Variants in FAM227B observed in about 807,000 individuals in gnomAD.
FAM227B encodes the protein protein FAM227B.
A neutral mutation model predicts 73.8 loss-of-function variants in FAM227B; 88 were observed. The ratio of observed to expected loss-of-function variants is 1.19; its 90% CI spans 1.00 to 1.42. The LOEUF is 1.42. Ranked by LOEUF, FAM227B falls within the 40% of genes most tolerant of loss-of-function variation. The pLI, the probability that FAM227B is intolerant of heterozygous loss-of-function variation, is 0.00. For missense variants in FAM227B, 632 were observed against 590.9 expected (o/e 1.07, Z -0.72); for synonymous variants, 210 against 190.5 (o/e 1.10, Z -0.84).
chr15:49,592,912 C>T lies in FAM227B; in HGVS notation c.106-2905G>A, dbSNP rs191396751. 7.2e-5 allele frequency among the ~76,000 whole-genome samples: 11 copies of T among 152,306 alleles called. 1 individual carries two copies. The highest frequency in any genetic ancestry group is 2.2e-4 in the African/African-American group (9 of 41,574). On this transcript the variant is annotated intron_variant, in intron 3 of 15. Transcript: ENST00000299338. ...TCAGCAATGGTGGACACCCCTCCCCCGACCAGGCTTCAGCCTCGCAGATCT... is the reference window on the plus strand; with the variant it reads ...TCAGCAATGGTGGACACCCCTCCCCTGACCAGGCTTCAGCCTCGCAGATCT...
At chr15:49,546,549 G>A (rs1256263995) in intron 9 of FAM227B, among the ~76,000 whole-genome samples, 1 of 152,148 alleles carries the variant, frequency 6.6e-6, no homozygotes, top group Non-Finnish European at 1.5e-5. Context: ...CTTCCACAAT[G>A]GTTGAACTAG....
At chr15:49,510,283 T>A (rs2058891355) in intron 10 of FAM227B, among the ~76,000 whole-genome samples, 1 of 152,158 alleles carries the variant, frequency 6.6e-6, no homozygotes, top group Non-Finnish European at 1.5e-5. Context: ...CTATGTAAAA[T>A]CTTGTTGACA....
intron 13 of FAM227B, among the ~76,000 whole-genome samples, chr15:49,354,712 G>A (rs1266962127): frequency 1.3e-5 from 2 of 152,194 alleles, no homozygotes; most frequent in East Asian, 1.9e-4. Flanking sequence ...AAACAGTCGG[G>A]AAGCTCGAAC....
At chr15:49,495,354 T>C (rs1435258612) in intron 11 of FAM227B, among the ~76,000 whole-genome samples, 4 of 152,234 alleles carry the variant, frequency 2.6e-5, no homozygotes, top group Non-Finnish European at 5.9e-5. Flanking sequence ...ATAATCTGAA[T>C]AGTTCCGTTA....
At chr15:49,378,814 C>G (rs1340003944) in intron 11 of FAM227B, among the ~76,000 whole-genome samples, 1 of 152,112 alleles carries the variant, frequency 6.6e-6, no homozygotes, top group East Asian at 1.9e-4. Flanking sequence ...TCTGATTGCT[C>G]TAGCTAGGAC....
At chr15:49,359,031 C>A (rs1432235039) in intron 13 of FAM227B, among the ~76,000 whole-genome samples, 1 of 151,938 alleles carries the variant, frequency 6.6e-6, no homozygotes, top group Non-Finnish European at 1.5e-5. Flanking sequence ...AACTGGCTAG[C>A]CATATGTATA....
intron 13 of FAM227B, among the ~76,000 whole-genome samples, chr15:49,353,021 T>C (rs2042482592): frequency 6.6e-6 from 1 of 152,204 alleles, no homozygotes; most frequent in African/African-American, 2.4e-5. Flanking sequence ...AAAAACAGTG[T>C]CTAAGCATTC....
chr15:49,617,854 C>T (rs2078394925), intron 1 of FAM227B, among the ~76,000 whole-genome samples: 1 of 151,034 alleles, frequency 6.6e-6, no homozygotes, highest in African/African-American at 2.4e-5. Flanking sequence ...ACTTGTGTAA[C>T]AAAAAAAACA....
chr15:49,592,343 A>T (rs1308350534), intron 3 of FAM227B, among the ~76,000 whole-genome samples: 2 of 152,010 alleles, frequency 1.3e-5, no homozygotes, highest in Non-Finnish European at 2.9e-5. Context: ...CCTACAGAAG[A>T]AGTTTTGGTG....
At chr15:49,446,036 T>C (rs10519226) in intron 11 of FAM227B, among the ~76,000 whole-genome samples, 29,589 of 151,422 alleles carry the variant, frequency 0.2, 3,287 homozygotes, top group Non-Finnish European at 0.25. Context: ...TTAGTTTTCT[T>C]GTACATTAAA....
At chr15:49,479,609 T>TG (rs2055720187) in intron 11 of FAM227B, among the ~76,000 whole-genome samples, 1 of 133,260 alleles carries the variant, frequency 7.5e-6, no homozygotes, top group African/African-American at 2.8e-5. Context: ...GTTTTTTTTT[T>TG]TTTTTTTTTT....
chr15:49,463,921 TTTTG>T (rs2054030472), intron 11 of FAM227B, among the ~76,000 whole-genome samples: 1 of 138,328 alleles, frequency 7.2e-6, no homozygotes, highest in African/African-American at 2.8e-5. Flanking sequence ...CAAACAAGGT[TTTTG>T]TTTGTTTTTT....
chr15:49,360,253 A>T (rs958455489), intron 13 of FAM227B, among the ~76,000 whole-genome samples: 2 of 149,550 alleles, frequency 1.3e-5, no homozygotes, highest in Non-Finnish European at 1.5e-5. Context: ...AAAAAAAAAA[A>T]GTCTGTGTAT....
intron 13 of FAM227B, among the ~76,000 whole-genome samples, chr15:49,348,971 T>G (rs756419317): frequency 6.6e-6 from 1 of 152,206 alleles, no homozygotes; most frequent in Non-Finnish European, 1.5e-5. Context: ...TATTCTTCCG[T>G]TGAGTCATGT....
intron 11 of FAM227B, among the ~76,000 whole-genome samples, chr15:49,419,758 G>GT (rs1241812368): frequency 2.0e-5 from 3 of 151,886 alleles, no homozygotes; most frequent in South Asian, 2.1e-4. Context: ...AAAAGGACAG[G>GT]TTTTTTTATT....
At chr15:49,374,813 G>C (rs886950596) in intron 11 of FAM227B, among the ~76,000 whole-genome samples, 10 of 152,294 alleles carry the variant, frequency 6.6e-5, no homozygotes, top group African/African-American at 2.4e-4. Flanking sequence ...CAAAGTGGTA[G>C]GATTACAGGC....
intron 10 of FAM227B, among the ~76,000 whole-genome samples, chr15:49,525,028 C>G (rs1427776130): frequency 6.6e-6 from 1 of 152,102 alleles, no homozygotes; most frequent in Non-Finnish European, 1.5e-5. Context: ...GGATTGTGGA[C>G]TTTTGAGTTA....
At chr15:49,614,912 C>A in intron 2 of FAM227B, 1 of 548,422 alleles carries the variant, frequency 1.8e-6, no homozygotes, top group South Asian at 2.4e-5. Flanking sequence ...GATCTCCCAT[C>A]TCCTCGGCTG....
intron 4 of FAM227B, among the ~76,000 whole-genome samples, chr15:49,588,912 A>T (rs1364641263): frequency 6.6e-5 from 10 of 151,978 alleles, no homozygotes; most frequent in Non-Finnish European, 2.9e-5. Context: ...CTTAGTTCAA[A>T]AAAGAATATT....
Sources: gnomAD v4.1 joint callset for allele counts (sites outside exome capture counted in the v4.1 genomes callset) on GRCh38, gnomAD v4.1.1 for gene constraint, MANE v1.5 for transcripts, NCBI Gene and HGNC (gene_info 2026-07-23, HGNC 2026-07-21) for gene names.